Variants in MACROD2 observed in about 807,000 individuals in gnomAD.
MACROD2 encodes the protein mono-ADP ribosylhydrolase 2.
MACROD2 carries 36 observed loss-of-function variants against 70.4 expected under a neutral mutation model. The observed-to-expected ratio is 0.51, with a 90% confidence interval of 0.39 to 0.68. MACROD2 has a LOEUF of 0.68. MACROD2 is among the 30% of genes least tolerant of loss of function. MACROD2 has a pLI of 0.00. For missense variants in MACROD2, 496 were observed against 538.4 expected (o/e 0.92, Z 0.78); for synonymous variants, 172 against 178.8 (o/e 0.96, Z 0.30).
intron 17 of MACROD2, among the ~76,000 whole-genome samples, chr20:16,048,942 C>T (rs1190044302): frequency 6.6e-6 from 1 of 152,108 alleles, no homozygotes; most frequent in East Asian, 1.9e-4. Flanking sequence ...TAAAAAGTGA[C>T]ATATACATAC....
At chr20:15,308,536 T>C (rs1372299729) in intron 6 of MACROD2, among the ~76,000 whole-genome samples, 3 of 152,188 alleles carry the variant, frequency 2.0e-5, no homozygotes, top group Non-Finnish European at 2.9e-5. Context: ...AAATTTTGCT[T>C]TGTGAAAAAC....
chr20:15,009,548 A>G (rs1415414309), intron 5 of MACROD2, among the ~76,000 whole-genome samples: 1 of 152,192 alleles, frequency 6.6e-6, no homozygotes, highest in Non-Finnish European at 1.5e-5. Flanking sequence ...TTTATTACCC[A>G]AAATTTCTAT....
chr20:14,907,154 C>G (rs188512161), intron 5 of MACROD2, among the ~76,000 whole-genome samples: 1 of 152,218 alleles, frequency 6.6e-6, no homozygotes, highest in East Asian at 1.9e-4. Context: ...TTTTGCATGG[C>G]AATAACCTGA....
chr20:14,861,756 G>C (rs1490559527), intron 5 of MACROD2, among the ~76,000 whole-genome samples: 1 of 150,064 alleles, frequency 6.7e-6, no homozygotes, highest in African/African-American at 2.5e-5. Context: ...GCATTGAGCT[G>C]GGCACTTTTA....
chr20:15,377,001 C>T (rs1293983875), intron 6 of MACROD2, among the ~76,000 whole-genome samples: 1 of 152,182 alleles, frequency 6.6e-6, no homozygotes, highest in East Asian at 1.9e-4. Flanking sequence ...CATCATTCTC[C>T]TGCCTCAGCC....
intron 15 of MACROD2, among the ~76,000 whole-genome samples, chr20:16,029,641 C>T (rs74605517): frequency 0.031 from 4,772 of 152,214 alleles, 208 homozygotes; most frequent in East Asian, 0.15. Context: ...GCTCAGAAAT[C>T]ATCCTGAATA....
chr20:14,674,476 C>T (rs6135221), intron 4 of MACROD2, among the ~76,000 whole-genome samples: 11,007 of 152,136 alleles, frequency 0.072, 648 homozygotes, highest in South Asian at 0.26. Context: ...AGTTTACTCA[C>T]GAAAATCCTA....
At position 14,326,645 on chromosome 20, in the gene MACROD2, G is replaced by A; in HGVS notation, c.272-166834G>A. ...TTGTCCAAATCATCAAAGATACCCTGAGGTAAATTACTTAGGTTATTATTG... is the reference window on the plus strand; with the variant it reads ...TTGTCCAAATCATCAAAGATACCCTAAGGTAAATTACTTAGGTTATTATTG... On this transcript the variant is annotated intron_variant, in intron 3 of 17. Coordinates refer to ENST00000684519, the MANE Select transcript of MACROD2 (RefSeq NM_001351661.2). The surrounding 1 kb of genome is among the most constrained non-coding windows in gnomAD (Gnocchi z 5.5). 6.2e-7 allele frequency: 1 copy of A among 1,613,788 alleles called. No individual in the cohort carries two copies. The highest frequency in any genetic ancestry group is 8.5e-7 in the Non-Finnish European group (1 of 1,179,830).
At chr20:14,177,843 A>C (rs1201088024) in intron 3 of MACROD2, among the ~76,000 whole-genome samples, 1 of 152,218 alleles carries the variant, frequency 6.6e-6, no homozygotes, top group Non-Finnish European at 1.5e-5. Flanking sequence ...GTCTTATATT[A>C]CACCCAAAAA....
At chr20:15,775,627 A>G (rs577759115) in intron 8 of MACROD2, among the ~76,000 whole-genome samples, 7 of 152,214 alleles carry the variant, frequency 4.6e-5, no homozygotes, top group South Asian at 2.1e-4. Flanking sequence ...CCGTTTACAT[A>G]TGGAATAGCC....
rs943918174 is a variant in MACROD2, at chr20:14,012,358, G to T, written c.163+9954G>T. On this transcript the variant is annotated intron_variant, in intron 2 of 17. Coordinates refer to ENST00000684519, the MANE Select transcript of MACROD2 (RefSeq NM_001351661.2). ...TTTCTCAGGTCCTATTAGTCTATAG[G>T]TATGCTCATTCTTCTAGCAATCCTG... Among the ~76,000 whole-genome samples the T allele has an allele frequency of 2.2e-4, 34 of 152,110 alleles. 3 individuals carry two copies. The highest frequency in any genetic ancestry group is 2.0e-3 in the Admixed American group (31 of 15,280).
At chr20:15,921,466 G>C (rs1042322943) in intron 10 of MACROD2, among the ~76,000 whole-genome samples, 1 of 151,576 alleles carries the variant, frequency 6.6e-6, no homozygotes, top group Non-Finnish European at 1.5e-5. Flanking sequence ...GTTCCTGGAC[G>C]TGCTCTTCAC....
intron 10 of MACROD2, among the ~76,000 whole-genome samples, chr20:15,911,324 C>T (rs939505328): frequency 2.6e-5 from 4 of 152,158 alleles, no homozygotes; most frequent in South Asian, 2.1e-4. Context: ...TATTCTAGTT[C>T]GTCGTCAGTA....
At chr20:14,074,894 A>T (rs2053897551) in intron 2 of MACROD2, among the ~76,000 whole-genome samples, 1 of 152,194 alleles carries the variant, frequency 6.6e-6, no homozygotes, top group East Asian at 1.9e-4. Flanking sequence ...TAGCTTTATG[A>T]ACTCTTGTGC....
At chr20:15,747,144 C>T (rs1307782226) in intron 8 of MACROD2, among the ~76,000 whole-genome samples, 3 of 152,122 alleles carry the variant, frequency 2.0e-5, no homozygotes, top group Non-Finnish European at 4.4e-5. Flanking sequence ...CAAAGTTCCT[C>T]CCTCTACCAT....
intron 6 of MACROD2, among the ~76,000 whole-genome samples, chr20:15,376,895 T>C (rs1300098755): frequency 2.0e-5 from 3 of 152,160 alleles, no homozygotes; most frequent in South Asian, 2.1e-4. Flanking sequence ...TCTTATTTTT[T>C]ATTTATTTAT....
At chr20:15,359,036 A>C (rs373520967) in intron 6 of MACROD2, among the ~76,000 whole-genome samples, 1 of 152,144 alleles carries the variant, frequency 6.6e-6, no homozygotes, top group Non-Finnish European at 1.5e-5. Flanking sequence ...ATATGAAATA[A>C]TTTTATGTTA....
intron 8 of MACROD2, among the ~76,000 whole-genome samples, chr20:15,530,599 G>A (rs570193562): frequency 4.8e-4 from 73 of 151,800 alleles, no homozygotes; most frequent in Non-Finnish European, 9.1e-4. Flanking sequence ...GGGCGTAGTG[G>A]CAGGCGCCTG....
intron 3 of MACROD2, among the ~76,000 whole-genome samples, chr20:14,227,834 C>G (rs1416417685): frequency 6.6e-6 from 1 of 152,164 alleles, no homozygotes; most frequent in Admixed American, 6.5e-5. Context: ...ATTCTTAAAG[C>G]AAACATAAAA....
Sources: allele counts gnomAD v4.1 joint callset (sites outside exome capture counted in the v4.1 genomes callset), GRCh38; gene constraint gnomAD v4.1.1; non-coding constraint Gnocchi (gnomAD v3.1); transcripts MANE v1.5; gene names NCBI Gene and HGNC (gene_info 2026-07-23, HGNC 2026-07-21).